The following TTC6 variants were observed in gnomAD, a reference collection of about 807,000 sequenced individuals.
TTC6 encodes tetratricopeptide repeat protein 6.
TTC6 carries 172 observed loss-of-function variants against 210.4 expected under a neutral mutation model. The ratio of observed to expected loss-of-function variants is 0.82; its 90% CI spans 0.72 to 0.93. The LOEUF is 0.93. Among genes scored for constraint, TTC6 ranks in the 40% least tolerant of loss-of-function variants. The pLI, the probability that TTC6 is intolerant of heterozygous loss-of-function variation, is 0.00. For synonymous variants in TTC6, 804 were observed against 819.6 expected (o/e 0.98, Z 0.32); for missense variants, 2,414 against 2,318.1 (o/e 1.04, Z -0.85).
intron 12 of TTC6, among the ~76,000 whole-genome samples, chr14:37,750,178 C>A (rs2095947541): frequency 6.6e-6 from 1 of 152,146 alleles, no homozygotes; most frequent in Non-Finnish European, 1.5e-5. Context: ...TTGATCACAT[C>A]TCTCTGAGTT....
At chr14:37,649,678 G>A (rs2095707740) in intron 1 of TTC6, among the ~76,000 whole-genome samples, 1 of 152,154 alleles carries the variant, frequency 6.6e-6, no homozygotes, top group South Asian at 2.1e-4. Flanking sequence ...TGGTCTATGT[G>A]GGTAGAATAT....
chr14:37,703,291 C>T (rs932768116), intron 5 of TTC6, among the ~76,000 whole-genome samples: 3 of 151,954 alleles, frequency 2.0e-5, no homozygotes, highest in Non-Finnish European at 2.9e-5. Context: ...ACCTCACTTT[C>T]TTTTTCCAAG....
intron 10 of TTC6, among the ~76,000 whole-genome samples, chr14:37,740,482 A>AT (rs1259414882): frequency 1.1e-5 from 1 of 87,210 alleles, no homozygotes; most frequent in East Asian, 9.9e-4. Context: ...TGGTAAGAGA[A>AT]TAAAAAAAAT....
intron 1 of TTC6, among the ~76,000 whole-genome samples, chr14:37,631,437 G>T (rs1445365510): frequency 6.6e-6 from 1 of 152,116 alleles, no homozygotes; most frequent in Non-Finnish European, 1.5e-5. Context: ...TTGAGTATTG[G>T]TCCCCACTCT....
At chr14:37,826,664 A>C (rs1024819771) in intron 28 of TTC6, among the ~76,000 whole-genome samples, 1 of 152,120 alleles carries the variant, frequency 6.6e-6, no homozygotes, top group African/African-American at 2.4e-5. Context: ...CTAGGTTTGA[A>C]GGAACTAAAG....
At chr14:37,641,832 G>A (rs1266097074) in intron 1 of TTC6, among the ~76,000 whole-genome samples, 3 of 152,132 alleles carry the variant, frequency 2.0e-5, no homozygotes, top group Non-Finnish European at 2.9e-5. Flanking sequence ...AGAGCTGGGA[G>A]GTAACCTGAT....
intron 1 of TTC6, among the ~76,000 whole-genome samples, chr14:37,600,254 G>A (rs2095613061): frequency 6.6e-6 from 1 of 152,164 alleles, no homozygotes; most frequent in Admixed American, 6.5e-5. Flanking sequence ...CTGCTCCTGT[G>A]TGCAAGAGCT....
At chr14:37,624,431 G>C (rs539801679) in intron 1 of TTC6, among the ~76,000 whole-genome samples, 1 of 152,310 alleles carries the variant, frequency 6.6e-6, no homozygotes, top group East Asian at 1.9e-4. Flanking sequence ...GACATGAAGA[G>C]AGGATGGTAT....
intron 14 of TTC6, among the ~76,000 whole-genome samples, chr14:37,770,013 C>T (rs1392301774): frequency 5.3e-5 from 8 of 152,048 alleles, no homozygotes; most frequent in Admixed American, 2.6e-4. Flanking sequence ...TCTTTGTTCC[C>T]GTTGGTTTCA....
intron 14 of TTC6, among the ~76,000 whole-genome samples, chr14:37,760,513 C>T (rs573330716): frequency 6.6e-6 from 1 of 152,316 alleles, no homozygotes; most frequent in South Asian, 2.1e-4. Flanking sequence ...TGTCCCTTAG[C>T]AGAGCTCAAG....
intron 26 of TTC6, among the ~76,000 whole-genome samples, chr14:37,820,844 A>C (rs1595311319): frequency 6.6e-6 from 1 of 152,046 alleles, no homozygotes; most frequent in African/African-American, 2.4e-5. Context: ...GGCACTTGGA[A>C]AGGCAAAGTG....
chr14:37,814,646 C>G (rs1197671920), intron 25 of TTC6, among the ~76,000 whole-genome samples: 1 of 152,048 alleles, frequency 6.6e-6, no homozygotes, highest in Non-Finnish European at 1.5e-5. Flanking sequence ...ACCAAAAACA[C>G]ATTTTAAATA....
chr14:37,822,135 T>G (rs562388451), intron 26 of TTC6, among the ~76,000 whole-genome samples: 1 of 152,180 alleles, frequency 6.6e-6, no homozygotes, highest in African/African-American at 2.4e-5. Context: ...CAGGCTGTGT[T>G]CTGCAGAATA....
chr14:37,792,209 C>T, intron 16 of TTC6, 55 bp from the exon 19 acceptor site: 5 of 1,310,040 alleles, frequency 3.8e-6, no homozygotes, highest in Admixed American at 2.5e-5. Flanking sequence ...AATTGGAGAA[C>T]ATTTGGAATA....
intron 14 of TTC6, among the ~76,000 whole-genome samples, chr14:37,771,423 T>C (rs1411604522): frequency 5.3e-5 from 8 of 152,192 alleles, no homozygotes; most frequent in South Asian, 2.1e-4. Context: ...CCATTCTCCC[T>C]GTCACTTTCA....
intron 7 of TTC6, among the ~76,000 whole-genome samples, chr14:37,730,804 A>G (rs6571819): frequency 0.55 from 84,230 of 152,060 alleles, 24,097 homozygotes; most frequent in African/African-American, 0.7. Context: ...TTCGGACACT[A>G]TAGTTCTCAT....
intron 1 of TTC6, among the ~76,000 whole-genome samples, chr14:37,660,112 CTTAT>C (rs1038550325): frequency 6.7e-4 from 102 of 152,020 alleles, no homozygotes; most frequent in African/African-American, 2.3e-3. Flanking sequence ...TTAATTAGAT[CTTAT>C]TTGTCAATTT....
intron 4 of TTC6, among the ~76,000 whole-genome samples, chr14:37,699,222 C>T (rs914314219): frequency 6.6e-6 from 1 of 152,170 alleles, no homozygotes; most frequent in African/African-American, 2.4e-5. Flanking sequence ...GCACTGTATC[C>T]ATAACTGAAG....
intron 3 of TTC6, among the ~76,000 whole-genome samples, chr14:37,690,403 C>CT (rs1189682271): frequency 3.3e-5 from 5 of 152,060 alleles, no homozygotes; most frequent in African/African-American, 1.2e-4. Context: ...TGTGAATGGA[C>CT]TAAACTCTCC....
Sources: gnomAD v4.1 joint callset for allele counts (sites outside exome capture counted in the v4.1 genomes callset) on GRCh38, gnomAD v4.1.1 for gene constraint, MANE v1.5 for transcripts, NCBI Gene and HGNC (gene_info 2026-07-23, HGNC 2026-07-21) for gene names.